Variants in PLOD2 observed in about 807,000 individuals in gnomAD.
PLOD2 encodes the protein procollagen-lysine,2-oxoglutarate 5-dioxygenase 2.
Under a neutral mutation model 101.0 loss-of-function variants are expected in PLOD2, and 65 were observed. That is an observed-to-expected ratio of 0.64 (90% confidence interval 0.53 to 0.79). The LOEUF is 0.79. Among genes scored for constraint, PLOD2 ranks in the 30% least tolerant of loss-of-function variants. The pLI is 0.00. For synonymous variants in PLOD2, 314 were observed against 302.9 expected (o/e 1.04, Z -0.38); for missense variants, 909 against 914.6 (o/e 0.99, Z 0.08).
Position 146,071,186 on chromosome 3 carries a change from C to T in PLOD2, c.1996-19G>A, listed in dbSNP as rs1205001480. On this transcript the variant is annotated intron_variant, in intron 18 of 19. Coordinates refer to ENST00000282903, the MANE Select transcript of PLOD2 (RefSeq NM_182943.3). ...CAAATCCCTGAAAAAGCAAAGTAAGCCAGTGGATTTGCTTATTAATAAAAA... is the reference window on the plus strand; with the variant it reads ...CAAATCCCTGAAAAAGCAAAGTAAGTCAGTGGATTTGCTTATTAATAAAAA... The T allele has an allele frequency of 6.2e-7, 1 of 1,610,656 alleles. No homozygotes were observed.
At chr3:146,144,864 T>A (rs1364168525) in intron 1 of PLOD2, among the ~76,000 whole-genome samples, 1 of 152,002 alleles carries the variant, frequency 6.6e-6, no homozygotes, top group African/African-American at 2.4e-5. Flanking sequence ...AAAAAATGAA[T>A]ACTATCACAG....
intron 3 of PLOD2, among the ~76,000 whole-genome samples, chr3:146,113,383 C>A (rs2108075157): frequency 6.6e-6 from 1 of 152,246 alleles, no homozygotes; most frequent in Non-Finnish European, 1.5e-5. Context: ...TTTATTTTGG[C>A]TGTAAAAAGT....
At chr3:146,126,374 G>T (rs773876579) in intron 1 of PLOD2, among the ~76,000 whole-genome samples, 2 of 152,040 alleles carry the variant, frequency 1.3e-5, no homozygotes, top group Non-Finnish European at 2.9e-5. Context: ...GTGTTGACAT[G>T]TATCACCCAC....
At chr3:146,147,230 A>G (rs1421022411) in intron 1 of PLOD2, among the ~76,000 whole-genome samples, 1 of 152,212 alleles carries the variant, frequency 6.6e-6, no homozygotes, top group Non-Finnish European at 1.5e-5. Flanking sequence ...ACTAGAATAT[A>G]AGACTTAATA....
chr3:146,103,867 A>G (rs969535694), intron 6 of PLOD2, among the ~76,000 whole-genome samples: 8 of 122,452 alleles, frequency 6.5e-5, no homozygotes, highest in Non-Finnish European at 1.4e-4. Flanking sequence ...ACACACACAC[A>G]CTCTTCCCCA....
chr3:146,087,015 A>C (rs1054351042), intron 9 of PLOD2, 107 bp from the exon 10 acceptor site: 1 of 571,530 alleles, frequency 1.7e-6, no homozygotes, highest in Non-Finnish European at 3.0e-6. Context: ...TCTACAATTC[A>C]GATATTCAAT....
chr3:146,072,182 T>C (rs929971882), intron 17 of PLOD2, among the ~76,000 whole-genome samples: 7 of 151,756 alleles, frequency 4.6e-5, no homozygotes. Flanking sequence ...CAGAGCCAGA[T>C]AACATTTGCC....
At chr3:146,138,767 G>C (rs1251855473) in intron 1 of PLOD2, among the ~76,000 whole-genome samples, 1 of 152,126 alleles carries the variant, frequency 6.6e-6, no homozygotes, top group Admixed American at 6.6e-5. Flanking sequence ...TGAGTAAAGA[G>C]ATGATATAAT....
At chr3:146,156,819 C>T (rs1458063582) in intron 1 of PLOD2, among the ~76,000 whole-genome samples, 19 of 152,214 alleles carry the variant, frequency 1.2e-4, no homozygotes, top group Admixed American at 1.2e-3. Flanking sequence ...AAGACAAGCA[C>T]AGCCTGAAGA....
At chr3:146,125,947 T>C (rs1353843337) in intron 1 of PLOD2, among the ~76,000 whole-genome samples, 1 of 152,176 alleles carries the variant, frequency 6.6e-6, no homozygotes, top group Non-Finnish European at 1.5e-5. Flanking sequence ...TTACATTTCT[T>C]AAATTTGTCT....
intron 7 of PLOD2, among the ~76,000 whole-genome samples, chr3:146,096,763 AG>A (rs1937180230): frequency 6.8e-6 from 1 of 146,738 alleles, no homozygotes; most frequent in Non-Finnish European, 1.5e-5. Flanking sequence ...GGGGGGGGTC[AG>A]CCCCCCGCCC....
In PLOD2 at chr3:146,121,135, A is replaced by ATCATC; in HGVS notation, c.310_314dup (p.Asp105GlufsTer24). On this transcript the variant is annotated frameshift_variant, in exon 3 of 20. Coordinates refer to ENST00000282903, the MANE Select transcript of PLOD2 (RefSeq NM_182943.3). LOFTEE classifies it high-confidence loss of function. ...ACCATTCAGTAAACATGACAACCAG[A>ATCATC]TCATCTTGATCAGCATAGTGTTCCA... 6.2e-7 allele frequency: 1 copy of ATCATC among 1,607,688 alleles called. No homozygotes were observed. The highest frequency in any genetic ancestry group is 1.7e-5 in the Admixed American group (1 of 59,980).
At chr3:146,157,625 G>C (rs554739727) in intron 1 of PLOD2, among the ~76,000 whole-genome samples, 2 of 152,290 alleles carry the variant, frequency 1.3e-5, no homozygotes, top group South Asian at 4.1e-4. Flanking sequence ...GGTACAATCA[G>C]AGTTTATTTT....
chr3:146,143,478 C>G (rs1438193935), intron 1 of PLOD2, among the ~76,000 whole-genome samples: 1 of 152,026 alleles, frequency 6.6e-6, no homozygotes, highest in Admixed American at 6.6e-5. Context: ...AGGATCCAGC[C>G]TCTCCTAACC....
At chr3:146,076,660 G>A (rs1450148177) in intron 15 of PLOD2, 122 bp downstream of exon 15, 1 of 613,732 alleles carries the variant, frequency 1.6e-6, no homozygotes, top group East Asian at 2.8e-5. Context: ...TTGTGGTTTT[G>A]ATGTGCATTT....
At chr3:146,121,419 A>T (rs1219158689) in intron 2 of PLOD2, among the ~76,000 whole-genome samples, 171 bp from the exon 3 acceptor site, 1 of 152,164 alleles carries the variant, frequency 6.6e-6, no homozygotes, top group African/African-American at 2.4e-5. Context: ...ATCAGATCAT[A>T]ATTCTTCAAT....
intron 1 of PLOD2, among the ~76,000 whole-genome samples, chr3:146,159,852 G>A (rs1432755193): frequency 1.3e-5 from 2 of 152,172 alleles, no homozygotes; most frequent in Non-Finnish European, 2.9e-5. Flanking sequence ...GACGCTTTCT[G>A]AAACACTTAA....
rs553281608 is a variant in PLOD2, at chr3:146,077,179, C to T, written c.1564-284G>A. 115 of 1,040,734 alleles carry T rather than the reference C, an allele frequency of 1.1e-4. 1 individual carries two copies. The highest frequency in any genetic ancestry group is 4.6e-4 in the Middle Eastern group (1 of 2,176). The allele number at this position is 1,040,734 out of a possible 1,614,324, so 64.5% of individuals were successfully genotyped here. A position where few individuals can be genotyped will look rare whatever the true frequency, so the allele number is the denominator to read the frequency against. ...TCTCATTGATCCTAGATGTAGACATCGGGGAAAAAATTCCTGTTTGAAAGC... is the reference window on the plus strand; with the variant it reads ...TCTCATTGATCCTAGATGTAGACATTGGGGAAAAAATTCCTGTTTGAAAGC... On this transcript the variant is annotated intron_variant, in intron 14 of 19. Coordinates refer to ENST00000282903, the MANE Select transcript of PLOD2 (RefSeq NM_182943.3).
In PLOD2 at chr3:146,148,326, GCAGGCAGGCACGCA is replaced by G. The variant is rs1209195672; in HGVS notation, c.109+12541_109+12554del. On this transcript the variant is annotated intron_variant, in intron 1 of 19. Coordinates refer to ENST00000282903, the MANE Select transcript of PLOD2 (RefSeq NM_182943.3). The stretch of plus-strand genomic sequence containing the variant: ...TCTAATTATTTATACAGGCAGGCAG[GCAGGCAGGCACGCA>G]CACACACACACACACACACACACAC... 3.2e-5 allele frequency among the ~76,000 whole-genome samples: 3 copies of G among 95,094 alleles called. No homozygotes were observed. In the East Asian group the frequency reaches 9.0e-4, roughly 29 times the overall value. The allele number at this position is 95,094 out of a possible 152,430, so 62.4% of individuals were successfully genotyped here. A position where few individuals can be genotyped will look rare whatever the true frequency, so the allele number is the denominator to read the frequency against.
Sources: allele counts gnomAD v4.1 joint callset (sites outside exome capture counted in the v4.1 genomes callset), GRCh38; gene constraint gnomAD v4.1.1; transcripts MANE v1.5; gene names NCBI Gene and HGNC (gene_info 2026-07-23, HGNC 2026-07-21).